Variants in MON1A observed in about 807,000 individuals in gnomAD.
MON1A encodes the protein vacuolar fusion protein MON1 homolog A.
Under a neutral mutation model 44.6 loss-of-function variants are expected in MON1A, and 29 were observed. That is an observed-to-expected ratio of 0.65 (90% CI 0.48 to 0.89). The LOEUF (loss-of-function observed/expected upper bound fraction) is 0.89. Among genes scored for constraint, MON1A ranks in the 40% least tolerant of loss-of-function variants. The probability of loss-of-function intolerance (pLI) is 0.00; values close to 1 mark genes in which losing one functional copy is unlikely to be tolerated. For synonymous variants in MON1A, 275 were observed against 316.4 expected (o/e 0.87, Z 1.39); for missense variants, 615 against 759.6 (o/e 0.81, Z 2.24).
rs2082854869 is a variant in MON1A at position 49,910,031 on chromosome 3, G to A, written c.1379+88C>T. Reference sequence around the variant, plus strand: ...TTCCAAAGGTAGGGACAGCTTCAGGGCTACATCTCAGAGCTCAGGACCAAA... The same window carrying A: ...TTCCAAAGGTAGGGACAGCTTCAGGACTACATCTCAGAGCTCAGGACCAAA... On this transcript the variant is annotated intron_variant, in intron 4 of 5. Coordinates refer to ENST00000296473, the MANE Select transcript of MON1A (RefSeq NM_032355.4). This position sits in a 1 kb window ranked among gnomAD's most constrained non-coding sequence, Gnocchi z 8.0. 1.4e-6 allele frequency: 2 copies of A among 1,424,656 alleles called. No homozygotes were observed. The highest frequency in any genetic ancestry group is 1.9e-6 in the Non-Finnish European group (2 of 1,052,956). 88.3% of individuals were successfully genotyped at this position (1,424,656 alleles called of 1,614,324 possible).
chr3:49,918,325 G>A (rs528265171), intron 1 of MON1A, among the ~76,000 whole-genome samples: 16 of 151,098 alleles, frequency 1.1e-4, no homozygotes, highest in African/African-American at 3.4e-4. Flanking sequence ...CAACAAGAGC[G>A]AAACTCTGTC....
At chr3:49,921,048 C>T (rs2082991392) in intron 1 of MON1A, among the ~76,000 whole-genome samples, 1 of 151,788 alleles carries the variant, frequency 6.6e-6, no homozygotes, top group Middle Eastern at 3.2e-3. Context: ...CCCAGTTACT[C>T]AGGAGGCTAA....
At chr3:49,926,898 C>A (rs2083056462) in intron 1 of MON1A, among the ~76,000 whole-genome samples, 1 of 151,948 alleles carries the variant, frequency 6.6e-6, no homozygotes, top group East Asian at 1.9e-4. Flanking sequence ...TGTGCCTCAG[C>A]CTCCCGAGTA....
chr3:49,912,692 C>T, intron 2 of MON1A: 1 of 230,630 alleles, frequency 4.3e-6, no homozygotes, highest in Non-Finnish European at 8.7e-6. Context: ...CCTGTGACTG[C>T]CTCAGGGCAG....
chr3:49,929,604 C>T lies in MON1A; in HGVS notation c.-14+5G>A, dbSNP rs1172243186. ...CCAGGCCACGTGGGCTGGCAGTCAA[C>T]TCACCTGTTTCTCAGAGGAGTCCAG... On this transcript the variant is annotated splice_donor_5th_base_variant and intron_variant, in intron 1 of 5. Transcript: ENST00000296473. 6 of 1,551,560 alleles carry T rather than the reference C, an allele frequency of 3.9e-6. No homozygotes were observed. The highest frequency in any genetic ancestry group is 1.2e-5 in the South Asian group (1 of 84,050).
At chr3:49,917,535 G>A (rs1225035637) in intron 1 of MON1A, among the ~76,000 whole-genome samples, 3 of 151,164 alleles carry the variant, frequency 2.0e-5, no homozygotes, top group African/African-American at 7.3e-5. Flanking sequence ...TGATCCACCC[G>A]CCTCAGCCTC....
In MON1A at chr3:49,909,016, A is replaced by G. The variant is rs201543433; in HGVS notation, c.1666T>C (p.Ter556ArgextTer13). 1 of 1,611,520 alleles carries G rather than the reference A, an allele frequency of 6.2e-7. No individual in the cohort carries two copies. Among genetic ancestry groups the G allele is most frequent in the Non-Finnish European group, 8.5e-7 (1 of 1,178,508 alleles). The part of the protein sequence containing the change: ...RLFILTPLTY[*>R] ...GGCTGAGCCCGCACACATTCCCATC[A>G]ATAGGTGAGGGGCGTGAGAATGAAG... is the stretch of plus-strand genomic sequence containing the variant. The change falls in exon 6 of 6, where the codon TGA becomes CGA. Residue 556 changes from the stop codon to arginine (R), a stop_lost. Coordinates refer to ENST00000296473, the MANE Select transcript of MON1A (RefSeq NM_032355.4). This position sits in a 1 kb window ranked among gnomAD's most constrained non-coding sequence, Gnocchi z 4.0.
At chr3:49,918,069 G>A (rs1317024522) in intron 1 of MON1A, among the ~76,000 whole-genome samples, 1 of 151,826 alleles carries the variant, frequency 6.6e-6, no homozygotes, top group African/African-American at 2.4e-5. Flanking sequence ...AGGCGCGGTG[G>A]CACACACCTG....
At chr3:49,923,468 CTTTT>C (rs201685649) in intron 1 of MON1A, among the ~76,000 whole-genome samples, 2 of 135,486 alleles carry the variant, frequency 1.5e-5, no homozygotes. Flanking sequence ...AAGACAAGCT[CTTTT>C]TTTTTTTTTT....
In MON1A at chr3:49,909,308, G is replaced by GA; in HGVS notation, c.1471dup (p.Ser491PhefsTer25). The GA allele has an allele frequency of 4.3e-6, 7 of 1,614,040 alleles. No individual in the cohort carries two copies. Among genetic ancestry groups the GA allele is most frequent in the Non-Finnish European group, 5.9e-6 (7 of 1,180,002 alleles). On this transcript the variant is annotated frameshift_variant, in exon 5 of 6. Transcript: ENST00000296473. LOFTEE classifies it high-confidence loss of function. The surrounding 1 kb of genome is among the most constrained non-coding windows in gnomAD (Gnocchi z 4.0). Reference sequence around the variant, plus strand: ...GTAGTAAATGGTCTTGAGTGGGCGAGAGGCATTGTGGGCACGACTGTGCAA... The same window carrying GA: ...GTAGTAAATGGTCTTGAGTGGGCGAGAAGGCATTGTGGGCACGACTGTGCAA...
chr3:49,922,186 G>A (rs1200705613), intron 1 of MON1A, among the ~76,000 whole-genome samples: 2 of 151,154 alleles, frequency 1.3e-5, no homozygotes, highest in Non-Finnish European at 2.9e-5. Flanking sequence ...AGTGGCTCAC[G>A]CCTATAATCC....
Position 49,910,598 on chromosome 3 carries a change from C to A in MON1A, c.900G>T (p.Ala300=). 3 of 1,603,720 alleles carry A rather than the reference C, an allele frequency of 1.9e-6. No homozygotes were observed. Among genetic ancestry groups the A allele is most frequent in the Non-Finnish European group, 2.6e-6 (3 of 1,174,640 alleles). The stretch of plus-strand genomic sequence containing the variant: ...TGGCGCTCACAGTGTCGCGCACGGC[C>A]GCCGCCAGGGGCAGGCACCGTGCCG... ...MGAARCLPLA[A]AVRDTVSASL... The change falls in exon 4 of 6, where the codon GCG becomes GCT. Residue 300 remains alanine, a synonymous_variant. Transcript: ENST00000296473. The surrounding 1 kb of genome is among the most constrained non-coding windows in gnomAD (Gnocchi z 8.0).
chr3:49,912,932 C>T (rs1208565103), intron 2 of MON1A: 2 of 529,872 alleles, frequency 3.8e-6, no homozygotes, highest in East Asian at 3.8e-5. Context: ...AGGCCTAACT[C>T]GTGAGGAGGG....
In MON1A at chr3:49,909,022, T is replaced by C. The variant is rs1232584572; in HGVS notation, c.1660A>G (p.Thr554Ala). 3 of 1,612,566 alleles carry C rather than the reference T, an allele frequency of 1.9e-6. No homozygotes were observed. Among genetic ancestry groups the C allele is most frequent in the Non-Finnish European group, 2.5e-6 (3 of 1,179,242 alleles). Residue 554 changes from threonine to alanine, a missense_variant, in exon 6 of 6, where the codon ACC (threonine) becomes GCC (alanine). Thr to Ala is a moderately conservative substitution (Grantham distance 58). Coordinates refer to ENST00000296473, the MANE Select transcript of MON1A (RefSeq NM_032355.4). This position sits in a 1 kb window ranked among gnomAD's most constrained non-coding sequence, Gnocchi z 4.0. ...GCCCGCACACATTCCCATCAATAGG[T>C]GAGGGGCGTGAGAATGAAGAGGCGG... ...EDRLFILTPL[T>A]Y
chr3:49,924,098 A>C (rs1386166526), intron 1 of MON1A: 3 of 151,546 alleles, frequency 2.0e-5, no homozygotes, highest in Admixed American at 6.6e-5. Context: ...AAAAAAAAAA[A>C]CAAAAAACCT....
intron 1 of MON1A, 115 bp downstream of exon 1, chr3:49,929,473 AGGGAGACACAGTCTTCCCATT>A (rs2083076454): frequency 1.0e-6 from 1 of 999,146 alleles, no homozygotes; most frequent in East Asian, 2.6e-5. Context: ...GAGGGACCGC[AGGGAGACACAGTCTTCCCATT>A]GCAAACGATA....
Position 49,909,071 on chromosome 3 carries a change from C to A in MON1A, c.1611G>T (p.Met537Ile). ...GGTCTTCCTCTTTGCGGATCCAGCG[C>A]ATCAGCTTATGGATGGCACTGACGG... ...ASAVSAIHKL[M>I]RWIRKEEDRL... Residue 537 changes from methionine to isoleucine, a missense_variant, in exon 6 of 6, where the codon ATG becomes ATT. Physicochemically the swap from Met to Ile is conservative, Grantham distance 10. Coordinates refer to ENST00000296473, the MANE Select transcript of MON1A (RefSeq NM_032355.4). The surrounding 1 kb of genome is among the most constrained non-coding windows in gnomAD (Gnocchi z 4.0). 6.2e-7 allele frequency: 1 copy of A among 1,613,974 alleles called. No individual in the cohort carries two copies. The highest frequency in any genetic ancestry group is 8.5e-7 in the Non-Finnish European group (1 of 1,179,928).
chr3:49,915,384 C>A (rs1314360035), intron 1 of MON1A, among the ~76,000 whole-genome samples: 1 of 151,934 alleles, frequency 6.6e-6, no homozygotes, highest in Non-Finnish European at 1.5e-5. Context: ...TAAAAACTAG[C>A]CAGGCATGGT....
chr3:49,911,005 G>T lies in MON1A; in HGVS notation c.614-121C>A. 1.0e-6 allele frequency: 1 copy of T among 969,818 alleles called. No individual in the cohort carries two copies. The allele number at this position is 969,818 out of a possible 1,614,324, so 60.1% of individuals were successfully genotyped here. On this transcript the variant is annotated intron_variant, in intron 3 of 5. Coordinates refer to ENST00000296473, the MANE Select transcript of MON1A (RefSeq NM_032355.4). This position sits in a 1 kb window ranked among gnomAD's most constrained non-coding sequence, Gnocchi z 5.7. The stretch of plus-strand genomic sequence containing the variant: ...CTCGCTCAGAGCTCTGCGCACAGTA[G>T]GGGTTTAAGGATGTTCAGGATAAAA...
Sources: gnomAD v4.1 joint callset for allele counts (sites outside exome capture counted in the v4.1 genomes callset) on GRCh38, gnomAD v4.1.1 for gene constraint, Gnocchi (gnomAD v3.1) non-coding constraint, MANE v1.5 for transcripts, NCBI Gene and HGNC (gene_info 2026-07-23, HGNC 2026-07-21) for gene names.